PARL: variants seen among roughly 807,000 people sequenced by gnomAD.
PARL encodes presenilin associated rhomboid like.
PARL carries 44 observed loss-of-function variants against 51.6 expected under a neutral mutation model. That is an observed-to-expected ratio of 0.85 (90% CI 0.67 to 1.10). The LOEUF is 1.10. Ranked by LOEUF, PARL falls within the 50% of genes least tolerant of loss-of-function variation. PARL has a pLI of 0.00. For synonymous variants in PARL, 172 were observed against 164.0 expected (o/e 1.05, Z -0.37); for missense variants, 441 against 469.5 (o/e 0.94, Z 0.56).
intron 9 of PARL, 79 bp from the exon 10 acceptor site, chr3:183,829,788 T>G: frequency 8.5e-7 from 1 of 1,171,426 alleles, no homozygotes; most frequent in South Asian, 1.2e-5. Context: ...AGATCCCAAG[T>G]TGACATTTTT....
rs1734948667 is a variant in PARL, at chr3:183,884,789, ACGCACCCCACGCCTGGC to A, written c.41_57del (p.Gly14ValfsTer25). ...TCCTCGCAGCTGCGGCCGCCCACCG[ACGCACCCCACGCCTGGC>A]CGCAGCCCCAGCCTCTCTGCGCCCA... On this transcript the variant is annotated frameshift_variant, in exon 1 of 10. Coordinates refer to ENST00000317096, the MANE Select transcript of PARL (RefSeq NM_018622.7). LOFTEE classifies it high-confidence loss of function. The A allele has an allele frequency of 6.3e-6, 10 of 1,592,152 alleles. No individual in the cohort carries two copies. Among genetic ancestry groups the A allele is most frequent in the Non-Finnish European group, 7.7e-6 (9 of 1,175,920 alleles).
chr3:183,859,248 A>C (rs1731525974), intron 4 of PARL, among the ~76,000 whole-genome samples: 1 of 152,084 alleles, frequency 6.6e-6, no homozygotes, highest in African/African-American at 2.4e-5. Context: ...ACTGCACTCC[A>C]GCCTGGGTGA....
intron 4 of PARL, among the ~76,000 whole-genome samples, chr3:183,858,622 T>C (rs936654162): frequency 3.3e-5 from 5 of 152,178 alleles, no homozygotes; most frequent in African/African-American, 1.2e-4. Context: ...CAGGAAAACC[T>C]GGCAAGTGCC....
At chr3:183,838,408 G>GT (rs898744785) in intron 7 of PARL, among the ~76,000 whole-genome samples, 9 of 152,188 alleles carry the variant, frequency 5.9e-5, no homozygotes, top group East Asian at 1.9e-4. Context: ...TGTTAATGGT[G>GT]TTTTTTTCCC....
intron 1 of PARL, chr3:183,883,588 T>A: frequency 1.0e-6 from 1 of 985,190 alleles, no homozygotes; most frequent in Non-Finnish European, 1.2e-6. Context: ...AATCTTTTCT[T>A]TCCCCCTTAA....
intron 1 of PARL, among the ~76,000 whole-genome samples, chr3:183,882,332 TATATACACAC>T: frequency 7.0e-6 from 1 of 142,542 alleles, no homozygotes; most frequent in African/African-American, 2.6e-5. Context: ...TATATACACA[TATATACACAC>T]ACATATATAC....
At chr3:183,844,612 A>G (rs369656966) in intron 4 of PARL, 16 of 345,686 alleles carry the variant, frequency 4.6e-5, no homozygotes, top group Admixed American at 2.9e-4. Flanking sequence ...TACTTTTCTC[A>G]ATTATAATCA....
intron 4 of PARL, 80 bp from the exon 5 acceptor site, chr3:183,844,406 T>A (rs776224062): frequency 8.1e-5 from 73 of 904,432 alleles, no homozygotes; most frequent in South Asian, 1.8e-4. Context: ...CCTTGTAAGA[T>A]TCTTCCACAA....
chr3:183,844,999 A>G (rs924348707), intron 4 of PARL, among the ~76,000 whole-genome samples: 8 of 152,252 alleles, frequency 5.3e-5, no homozygotes, highest in Non-Finnish European at 1.0e-4. Context: ...ATAAGAAATT[A>G]TTATTGAAAA....
At chr3:183,870,489 TTCTCAAATGTCC>T (rs1438052239) in intron 1 of PARL, among the ~76,000 whole-genome samples, 1 of 151,916 alleles carries the variant, frequency 6.6e-6, no homozygotes, top group African/African-American at 2.4e-5. Context: ...ATTCTATAGT[TTCTCAAATGTCC>T]TCTCAGAGGG....
At chr3:183,883,438 TC>T (rs1373611611) in intron 1 of PARL, among the ~76,000 whole-genome samples, 1 of 152,026 alleles carries the variant, frequency 6.6e-6, no homozygotes, top group Non-Finnish European at 1.5e-5. Flanking sequence ...CCCGCTAATT[TC>T]TTGTATTTTT....
intron 7 of PARL, among the ~76,000 whole-genome samples, chr3:183,834,843 C>G (rs1243192525): frequency 6.8e-6 from 1 of 146,240 alleles, no homozygotes; most frequent in Non-Finnish European, 1.5e-5. Flanking sequence ...GAGTTTGAGA[C>G]CAGCCTGACC....
intron 4 of PARL, chr3:183,846,635 CA>C: frequency 4.1e-6 from 4 of 985,300 alleles, no homozygotes; most frequent in Non-Finnish European, 4.8e-6. Flanking sequence ...AGACTGTAGC[CA>C]AAATCCCTTA....
intron 4 of PARL, among the ~76,000 whole-genome samples, chr3:183,855,066 G>T (rs1291859158): frequency 1.3e-5 from 2 of 152,078 alleles, no homozygotes; most frequent in Non-Finnish European, 2.9e-5. Flanking sequence ...CATATTATGT[G>T]ACTTGATGTA....
In PARL at chr3:183,860,814, C is replaced by CTTT. The variant is rs11405513; in HGVS notation, c.511+1936_511+1938dup. 2.1e-4 allele frequency among the ~76,000 whole-genome samples: 27 copies of CTTT among 126,718 alleles called. 1 individual carries two copies. The highest frequency in any genetic ancestry group is 4.2e-4 in the African/African-American group (14 of 33,294). 83.1% of individuals were successfully genotyped at this position (126,718 alleles called of 152,430 possible). On this transcript the variant is annotated intron_variant, in intron 4 of 9. Coordinates refer to ENST00000317096, the MANE Select transcript of PARL (RefSeq NM_018622.7). The stretch of plus-strand genomic sequence containing the variant: ...CCCTAAAGAAATCTTAATTTCGTTA[C>CTTT]TTTTTTTTTTTTTTTTTTTGAGACA...
chr3:183,829,559 G>T lies in PARL; in HGVS notation c.*39C>A. ...CCGATGTCTCCTGGGGCTCTCAGGC[G>T]GCAAGGACCAGATGCACCACTACTG... On this transcript the variant is annotated 3_prime_UTR_variant, in exon 10 of 10. Coordinates refer to ENST00000317096, the MANE Select transcript of PARL (RefSeq NM_018622.7). The T allele has an allele frequency of 6.2e-7, 1 of 1,614,164 alleles. No individual in the cohort carries two copies. The highest frequency in any genetic ancestry group is 8.5e-7 in the Non-Finnish European group (1 of 1,180,036).
chr3:183,873,314 T>G (rs1733424257), intron 1 of PARL, among the ~76,000 whole-genome samples: 1 of 152,162 alleles, frequency 6.6e-6, no homozygotes, highest in Non-Finnish European at 1.5e-5. Context: ...GAGACCAGCT[T>G]GGCCAACATG....
At chr3:183,867,569 C>G (rs529132153) in intron 2 of PARL, among the ~76,000 whole-genome samples, 8 of 152,026 alleles carry the variant, frequency 5.3e-5, no homozygotes, top group Non-Finnish European at 1.2e-4. Flanking sequence ...GCGTGGTGGC[C>G]AGTGCCTACA....
At position 183,867,974 on chromosome 3, in the gene PARL, C is replaced by T; in HGVS notation, c.212G>A (p.Gly71Asp). The T allele has an allele frequency of 6.2e-7, 1 of 1,613,932 alleles. No homozygotes were observed. Among genetic ancestry groups the T allele is most frequent in the Non-Finnish European group, 8.5e-7 (1 of 1,179,794 alleles). Residue 71 changes from glycine to aspartate, a missense_variant, in exon 2 of 10, where the codon GGT (glycine) becomes GAT (aspartate). Physicochemically the swap from Gly to Asp is moderately conservative, Grantham distance 94. Transcript: ENST00000317096. ...EPRRSDPGTS[G>D]EAYKRSALIP... is the part of the protein sequence containing the mutation. ...CAAAGCACTTCTCTTGTATGCTTCACCACTTGTCCCTGGGTCTGATCTTCG... is the reference window on the plus strand; with the variant it reads ...CAAAGCACTTCTCTTGTATGCTTCATCACTTGTCCCTGGGTCTGATCTTCG...
Sources: allele counts gnomAD v4.1 joint callset (sites outside exome capture counted in the v4.1 genomes callset), GRCh38; gene constraint gnomAD v4.1.1; transcripts MANE v1.5; gene names NCBI Gene and HGNC (gene_info 2026-07-23, HGNC 2026-07-21).